Variants in SP100 observed in about 807,000 individuals in gnomAD.
SP100 encodes the protein nuclear autoantigen Sp-100.
In SP100, 84 loss-of-function variants were observed where a neutral mutation model predicts 130.0. That is an observed-to-expected ratio of 0.65 (90% CI 0.54 to 0.77). SP100 has a LOEUF of 0.77. Ranked by LOEUF, SP100 falls within the 30% of genes least tolerant of loss-of-function variation. The pLI, the probability that SP100 is intolerant of heterozygous loss-of-function variation, is 0.00. For missense variants in SP100, 978 were observed against 1,052.2 expected (o/e 0.93, Z 0.97); for synonymous variants, 331 against 351.7 (o/e 0.94, Z 0.66).
chr2:230,446,953 G>A, intron 5 of SP100, 51 bp downstream of exon 5: 1 of 1,055,190 alleles, frequency 9.5e-7, no homozygotes, highest in Non-Finnish European at 1.4e-6. Context: ...AGGGATCCAA[G>A]GTTCTGAGTG....
At chr2:230,520,108 A>G (rs1227465148) in intron 24 of SP100, among the ~76,000 whole-genome samples, 2 of 152,214 alleles carry the variant, frequency 1.3e-5, no homozygotes, top group Admixed American at 6.5e-5. Flanking sequence ...CTCTGATTCC[A>G]GAGTCACCTC....
At chr2:230,475,320 G>T (rs2065485825) in intron 17 of SP100, among the ~76,000 whole-genome samples, 1 of 151,960 alleles carries the variant, frequency 6.6e-6, no homozygotes, top group Non-Finnish European at 1.5e-5. Flanking sequence ...CATGTTTGTT[G>T]ACCACTTGTA....
intron 19 of SP100, among the ~76,000 whole-genome samples, chr2:230,499,785 C>G (rs1414080398): frequency 6.6e-6 from 1 of 152,078 alleles, no homozygotes; most frequent in African/African-American, 2.4e-5. Flanking sequence ...AGAGGTGAGT[C>G]TGAGAGTCTC....
At chr2:230,453,741 T>G (rs148460183) in intron 8 of SP100, among the ~76,000 whole-genome samples, 62 of 152,356 alleles carry the variant, frequency 4.1e-4, no homozygotes, top group Non-Finnish European at 6.5e-4. Context: ...TTATCAAGGA[T>G]AGTGGCCTAT....
chr2:230,448,037 A>G (rs1315547596), intron 5 of SP100, among the ~76,000 whole-genome samples: 2 of 152,194 alleles, frequency 1.3e-5, no homozygotes, highest in African/African-American at 2.4e-5. Flanking sequence ...TTATGACTTA[A>G]GATGTTTTAG....
At chr2:230,510,794 C>T in intron 23 of SP100, 1 of 363,346 alleles carries the variant, frequency 2.8e-6, no homozygotes, top group South Asian at 2.6e-5. Context: ...TGCACCTGGA[C>T]ACTTCCAAAT....
chr2:230,437,029 C>T (rs1002574241), intron 2 of SP100, among the ~76,000 whole-genome samples: 10 of 151,720 alleles, frequency 6.6e-5, no homozygotes, highest in African/African-American at 1.7e-4. Flanking sequence ...TGTAAAAGAC[C>T]GTGGTAATGG....
At chr2:230,439,384 T>G (rs967770552) in intron 2 of SP100, among the ~76,000 whole-genome samples, 1 of 152,206 alleles carries the variant, frequency 6.6e-6, no homozygotes, top group African/African-American at 2.4e-5. Flanking sequence ...AGATTGCTTT[T>G]GGGCAGTATG....
At chr2:230,486,886 G>C (rs1225419604) in intron 17 of SP100, among the ~76,000 whole-genome samples, 1 of 152,140 alleles carries the variant, frequency 6.6e-6, no homozygotes, top group Non-Finnish European at 1.5e-5. Flanking sequence ...GGTGTGAGAT[G>C]GTAACTCACT....
At chr2:230,542,545 A>G (rs1354304296) in intron 28 of SP100, among the ~76,000 whole-genome samples, 1 of 152,234 alleles carries the variant, frequency 6.6e-6, no homozygotes. Context: ...CTGTACTATC[A>G]TAAGGTTACT....
At chr2:230,466,972 A>C in intron 12 of SP100, 148 bp from the exon 13 acceptor site, 1 of 570,956 alleles carries the variant, frequency 1.8e-6, no homozygotes, top group Non-Finnish European at 3.1e-6. Flanking sequence ...GAAAAGGCAG[A>C]TCATGGAGGT....
At chr2:230,469,386 G>A (rs1237562307) in intron 14 of SP100, 1 of 510,976 alleles carries the variant, frequency 2.0e-6, no homozygotes, top group African/African-American at 1.9e-5. Context: ...AGCTGATGGG[G>A]GCTCTGACAT....
intron 8 of SP100, among the ~76,000 whole-genome samples, chr2:230,453,466 T>G (rs891767567): frequency 5.9e-5 from 9 of 152,206 alleles, no homozygotes; most frequent in African/African-American, 2.2e-4. Context: ...GTATGGCCAC[T>G]ATTGTCCTGA....
chr2:230,542,794 C>T lies in SP100; in HGVS notation c.2548-42C>T, dbSNP rs764598492. The T allele has an allele frequency of 3.4e-6, 4 of 1,176,276 alleles. No individual in the cohort carries two copies. The Admixed American group carries it at 5.2e-5, about 15-fold the overall frequency. The allele number at this position is 1,176,276 out of a possible 1,614,324, so 72.9% of individuals were successfully genotyped here. ...ATCTGCAACACTGGGTGTCTCAGCTCATTGCATAACTGCTATATTGTTTTT... is the reference window on the plus strand; with the variant it reads ...ATCTGCAACACTGGGTGTCTCAGCTTATTGCATAACTGCTATATTGTTTTT... On this transcript the variant is annotated intron_variant, in intron 28 of 28. Coordinates refer to ENST00000340126, the MANE Select transcript of SP100 (RefSeq NM_001080391.2).
chr2:230,512,421 C>G (rs1177939545), intron 24 of SP100, among the ~76,000 whole-genome samples: 1 of 151,460 alleles, frequency 6.6e-6, no homozygotes, highest in African/African-American at 2.4e-5. Context: ...TCCCAAGTAG[C>G]TGGGACTACA....
intron 14 of SP100, 23 bp downstream of exon 14, chr2:230,469,119 G>A (rs1649873): frequency 0.28 from 398,440 of 1,448,208 alleles, 58,665 homozygotes; most frequent in Middle Eastern, 0.35. Context: ...AAAAACTCTT[G>A]ATGTAACAAA....
At chr2:230,462,414 G>T in intron 9 of SP100, 21 bp from the exon 10 acceptor site, 5 of 1,601,388 alleles carry the variant, frequency 3.1e-6, no homozygotes, top group Non-Finnish European at 4.3e-6. Flanking sequence ...GACTCTTAAT[G>T]GTTTTTGCTC....
intron 24 of SP100, among the ~76,000 whole-genome samples, chr2:230,522,331 A>C (rs565893478): frequency 6.6e-6 from 1 of 152,164 alleles, no homozygotes; most frequent in African/African-American, 2.4e-5. Context: ...TTTAGCCCCA[A>C]TATTCTTTGG....
At chr2:230,539,179 A>G in intron 24 of SP100, 88 bp from the exon 25 acceptor site, 1 of 764,326 alleles carries the variant, frequency 1.3e-6, no homozygotes, top group Non-Finnish European at 2.3e-6. Flanking sequence ...AGAAATTTAC[A>G]AGTGTGCCCT....
Sources: allele counts gnomAD v4.1 joint callset (sites outside exome capture counted in the v4.1 genomes callset), GRCh38; gene constraint gnomAD v4.1.1; transcripts MANE v1.5; gene names NCBI Gene and HGNC (gene_info 2026-07-23, HGNC 2026-07-21).